The following ARHGAP8 variants were observed in gnomAD, a reference collection of about 807,000 sequenced individuals.
ARHGAP8 encodes rho GTPase-activating protein 8.
A neutral mutation model predicts 46.1 loss-of-function variants in ARHGAP8; 62 were observed. That is an observed-to-expected ratio of 1.34 (90% CI 1.10 to 1.66). The LOEUF is 1.66. Ranked by LOEUF, ARHGAP8 falls within the 40% of genes most tolerant of loss-of-function variation. The pLI is 0.00. For missense variants in ARHGAP8, 923 were observed against 568.4 expected (o/e 1.62, Z -6.34); for synonymous variants, 375 against 243.1 (o/e 1.54, Z -5.05).
In ARHGAP8 at chr22:44,862,715, T is replaced by C; in HGVS notation, c.*120T>C. Reference sequence around the variant, plus strand: ...ATTAGATGAATTCAGAACCTTCTAATGAAAACTCCATGCCTCTGGTCCTTG... The same window carrying C: ...ATTAGATGAATTCAGAACCTTCTAACGAAAACTCCATGCCTCTGGTCCTTG... On this transcript the variant is annotated 3_prime_UTR_variant, in exon 12 of 12. Coordinates refer to ENST00000356099, the MANE Select transcript of ARHGAP8 (RefSeq NM_181335.3). 8.1e-7 allele frequency: 1 copy of C among 1,240,058 alleles called. No homozygotes were observed. The allele number at this position is 1,240,058 out of a possible 1,614,324, so 76.8% of individuals were successfully genotyped here.
chr22:44,801,827 G>A, intron 2 of ARHGAP8: 2 of 539,190 alleles, frequency 3.7e-6, no homozygotes, highest in East Asian at 3.1e-5. Context: ...ACCCTGCTGG[G>A]CCTCGGTTTT....
chr22:44,827,566 C>A (rs906797908), intron 7 of ARHGAP8, among the ~76,000 whole-genome samples: 1 of 152,032 alleles, frequency 6.6e-6, no homozygotes, highest in Non-Finnish European at 1.5e-5. Flanking sequence ...TGGTCTTGAA[C>A]TCCTGACCTC....
chr22:44,822,305 C>T, intron 5 of ARHGAP8, 66 bp from the exon 6 acceptor site: 1 of 1,406,744 alleles, frequency 7.1e-7, no homozygotes, highest in Non-Finnish European at 9.6e-7. Context: ...CCCCTCCCTC[C>T]CTGCAACCCT....
chr22:44,797,361 G>C (rs1250571619), intron 2 of ARHGAP8, among the ~76,000 whole-genome samples: 1 of 151,928 alleles, frequency 6.6e-6, no homozygotes, highest in African/African-American at 2.4e-5. Context: ...TATTCCACAG[G>C]AGGAGGGCTC....
Position 44,808,822 on chromosome 22 carries a change from AC to A in ARHGAP8, c.299+386del, listed in dbSNP as rs1442105254. ...CTAGTAAAAATACAAAAAAAAAAAA[AC>A]CAAAAACAAAAACAGAGACAGTCTC... On this transcript the variant is annotated intron_variant, in intron 4 of 11. Transcript: ENST00000356099. 944 of 307,192 alleles carry A rather than the reference AC, an allele frequency of 3.1e-3. 3 individuals are homozygous for A. Among genetic ancestry groups the A allele is most frequent in the Admixed American group, 0.013 (292 of 21,754 alleles). The allele number at this position is 307,192 out of a possible 1,614,324, so 19.0% of individuals were successfully genotyped here.
At chr22:44,841,628 T>C (rs1931657906) in intron 7 of ARHGAP8, among the ~76,000 whole-genome samples, 1 of 152,234 alleles carries the variant, frequency 6.6e-6, no homozygotes, top group African/African-American at 2.4e-5. Flanking sequence ...TGCAACATGT[T>C]TCTTTCTCGC....
intron 7 of ARHGAP8, 22 bp downstream of exon 7, chr22:44,825,615 C>T: frequency 1.9e-6 from 3 of 1,605,414 alleles, no homozygotes; most frequent in Non-Finnish European, 2.6e-6. Context: ...GGGGATGTGC[C>T]TGCTCCTATG....
At chr22:44,855,461 G>A (rs2070197381) in intron 10 of ARHGAP8, among the ~76,000 whole-genome samples, 1 of 152,096 alleles carries the variant, frequency 6.6e-6, no homozygotes, top group Non-Finnish European at 1.5e-5. Context: ...CACTATGCCT[G>A]GCCACAAACC....
chr22:44,766,883 G>A (rs1048523885), intron 1 of ARHGAP8, among the ~76,000 whole-genome samples: 1 of 152,160 alleles, frequency 6.6e-6, no homozygotes, highest in Non-Finnish European at 1.5e-5. Context: ...GCAGATGACA[G>A]GGGCTTTGGG....
At chr22:44,762,144 A>G (rs564918685) in intron 1 of ARHGAP8, among the ~76,000 whole-genome samples, 2 of 152,352 alleles carry the variant, frequency 1.3e-5, no homozygotes, top group East Asian at 1.9e-4. Flanking sequence ...GGGCTGTGGT[A>G]TAATGAATCT....
chr22:44,841,564 C>T (rs1030915290), intron 7 of ARHGAP8, among the ~76,000 whole-genome samples: 1 of 152,184 alleles, frequency 6.6e-6, no homozygotes. Context: ...ATCTCTCTTC[C>T]TGTGCACACC....
chr22:44,818,038 C>G (rs193269970), intron 5 of ARHGAP8, among the ~76,000 whole-genome samples: 3 of 152,114 alleles, frequency 2.0e-5, no homozygotes, highest in African/African-American at 7.2e-5. Flanking sequence ...TGCTTGAGTT[C>G]GAGAGGCAGA....
At position 44,824,495 on chromosome 22, in the gene ARHGAP8, G is replaced by GC. The variant is rs1055664755; in HGVS notation, c.486-981dup. ...CCGAGCTGCCAACTAATGGTCATGT[G>GC]CCCCCCCATCCTGTGGCCGGGTCCC... On this transcript the variant is annotated intron_variant, in intron 6 of 11. Coordinates refer to ENST00000356099, the MANE Select transcript of ARHGAP8 (RefSeq NM_181335.3). 9.2e-5 allele frequency among the ~76,000 whole-genome samples: 14 copies of GC among 152,158 alleles called. No homozygotes were observed. The South Asian group carries it at 2.1e-3, about 23-fold the overall frequency.
intron 1 of ARHGAP8, among the ~76,000 whole-genome samples, chr22:44,772,722 T>A (rs887880487): frequency 2.6e-5 from 4 of 152,134 alleles, no homozygotes; most frequent in Non-Finnish European, 5.9e-5. Context: ...ATCTTCTATT[T>A]TCTGGCAGAG....
chr22:44,834,465 A>G (rs1569169880), intron 7 of ARHGAP8, among the ~76,000 whole-genome samples: 3 of 152,146 alleles, frequency 2.0e-5, no homozygotes, highest in Non-Finnish European at 4.4e-5. Flanking sequence ...ATAATTAGAT[A>G]ACTTACTTTG....
chr22:44,862,494 G>C lies in ARHGAP8; in HGVS notation c.1201G>C (p.Ala401Pro), dbSNP rs772351105. The change falls in exon 12 of 12, where the codon GCA (alanine) becomes CCA (proline). Residue 401 changes from alanine to proline, a missense_variant. Coordinates refer to ENST00000356099, the MANE Select transcript of ARHGAP8 (RefSeq NM_181335.3). ...GLAPWEQGSRAAPLQEAVPRT... is the reference protein window; with the variant it reads ...GLAPWEQGSRPAPLQEAVPRT... Reference sequence around the variant, plus strand: ...GGCACCATGGGAACAGGGGAGCAGGGCAGCCCCTTTGCAGGAGGCTGTGCC... The same window carrying C: ...GGCACCATGGGAACAGGGGAGCAGGCCAGCCCCTTTGCAGGAGGCTGTGCC... 1 of 1,613,536 alleles carries C rather than the reference G, an allele frequency of 6.2e-7. No homozygotes were observed. The highest frequency in any genetic ancestry group is 8.5e-7 in the Non-Finnish European group (1 of 1,179,700).
intron 2 of ARHGAP8, among the ~76,000 whole-genome samples, chr22:44,791,574 G>A (rs1298241796): frequency 6.6e-6 from 1 of 151,994 alleles, no homozygotes; most frequent in Non-Finnish European, 1.5e-5. Context: ...CGTGATGGTG[G>A]GCACCTGTAA....
intron 4 of ARHGAP8, among the ~76,000 whole-genome samples, chr22:44,810,721 G>C (rs184480212): frequency 6.6e-6 from 1 of 152,200 alleles, no homozygotes; most frequent in Non-Finnish European, 1.5e-5. Flanking sequence ...CTTCTGGTAC[G>C]AGGTGTGGCC....
At chr22:44,855,992 C>T (rs141916360) in intron 10 of ARHGAP8, among the ~76,000 whole-genome samples, 6 of 152,280 alleles carry the variant, frequency 3.9e-5, no homozygotes, top group East Asian at 1.9e-4. Flanking sequence ...AGGTGTCTCA[C>T]GCAGTGCGAG....
Sources: allele counts gnomAD v4.1 joint callset (sites outside exome capture counted in the v4.1 genomes callset), GRCh38; gene constraint gnomAD v4.1.1; transcripts MANE v1.5; gene names NCBI Gene and HGNC (gene_info 2026-07-23, HGNC 2026-07-21).